Variants in FHL5 observed in about 807,000 individuals in gnomAD.
FHL5 encodes four and a half LIM domains protein 5.
Under a neutral mutation model 32.0 loss-of-function variants are expected in FHL5, and 33 were observed. That is an observed-to-expected ratio of 1.03 (90% confidence interval 0.78 to 1.38). FHL5 has a LOEUF of 1.38. Among genes scored for constraint, FHL5 ranks in the 40% most tolerant of loss-of-function variants. FHL5 has a pLI of 0.00. For missense variants in FHL5, 336 were observed against 343.9 expected (o/e 0.98, Z 0.18); for synonymous variants, 114 against 113.6 (o/e 1.00, Z -0.02).
intron 1 of FHL5, among the ~76,000 whole-genome samples, chr6:96,578,131 T>C (rs1770621603): frequency 6.6e-6 from 1 of 152,188 alleles, no homozygotes; most frequent in African/African-American, 2.4e-5. Flanking sequence ...TAAGAGGCTT[T>C]ATCTCTAAAT....
chr6:96,610,405 T>C (rs1047425361), intron 4 of FHL5, among the ~76,000 whole-genome samples, 167 bp from the exon 5 acceptor site: 3 of 152,082 alleles, frequency 2.0e-5, no homozygotes, highest in African/African-American at 7.2e-5. Context: ...AAGGTGAAAA[T>C]AGAGTAGCCA....
intron 1 of FHL5, among the ~76,000 whole-genome samples, chr6:96,578,269 T>G (rs1770624363): frequency 6.6e-6 from 1 of 152,224 alleles, no homozygotes; most frequent in Non-Finnish European, 1.5e-5. Context: ...ATTTGATTTA[T>G]AGTAAACTAT....
chr6:96,576,712 C>T (rs1009147442), intron 1 of FHL5, among the ~76,000 whole-genome samples: 1 of 152,246 alleles, frequency 6.6e-6, no homozygotes, highest in Non-Finnish European at 1.5e-5. Flanking sequence ...TTCCTTTCTG[C>T]ATTCATTCAG....
intron 1 of FHL5, among the ~76,000 whole-genome samples, chr6:96,566,070 A>G (rs1582453722): frequency 6.6e-6 from 1 of 152,214 alleles, no homozygotes; most frequent in Non-Finnish European, 1.5e-5. Context: ...TAGTTACCCT[A>G]TAGTGCTATA....
intron 1 of FHL5, among the ~76,000 whole-genome samples, chr6:96,568,400 T>C (rs1273731011): frequency 2.0e-5 from 3 of 151,838 alleles, no homozygotes; most frequent in African/African-American, 7.2e-5. Flanking sequence ...ATGCTCATCA[T>C]GTTCATTGGC....
At chr6:96,583,317 A>C (rs2127963718) in intron 1 of FHL5, among the ~76,000 whole-genome samples, 1 of 152,286 alleles carries the variant, frequency 6.6e-6, no homozygotes, top group South Asian at 2.1e-4. Flanking sequence ...TTTCTACTGT[A>C]GAATGTGCAT....
intron 1 of FHL5, among the ~76,000 whole-genome samples, chr6:96,579,951 A>G (rs1164760539): frequency 6.6e-6 from 1 of 152,176 alleles, no homozygotes; most frequent in Non-Finnish European, 1.5e-5. Flanking sequence ...CTATTTCTGA[A>G]AAAGGAATAA....
chr6:96,587,514 T>G (rs979236422), intron 1 of FHL5, among the ~76,000 whole-genome samples: 1 of 152,178 alleles, frequency 6.6e-6, no homozygotes, highest in African/African-American at 2.4e-5. Flanking sequence ...AATAAATTTA[T>G]ATTTTTAATT....
chr6:96,605,878 C>T lies in FHL5; in HGVS notation c.335-24C>T, dbSNP rs780248051. On this transcript the variant is annotated intron_variant, in intron 3 of 5. Coordinates refer to ENST00000450218, the MANE Select transcript of FHL5 (RefSeq NM_001322466.2). ...TAAAATTATGCTTGACTTATACTAA[C>T]ATGGCCTTACTTTTGGAGTACAGGT... 19 of 1,606,452 alleles carry T rather than the reference C, an allele frequency of 1.2e-5. No homozygotes were observed. In the South Asian group the frequency reaches 2.1e-4, roughly 18 times the overall value.
chr6:96,574,592 C>T (rs2971602), intron 1 of FHL5, among the ~76,000 whole-genome samples: 62,430 of 151,992 alleles, frequency 0.41, 13,547 homozygotes, highest in African/African-American at 0.57. Context: ...CCTTGAGCTA[C>T]ATATAGTGGC....
At chr6:96,566,487 T>C (rs1770360304) in intron 1 of FHL5, among the ~76,000 whole-genome samples, 1 of 152,068 alleles carries the variant, frequency 6.6e-6, no homozygotes, top group Non-Finnish European at 1.5e-5. Flanking sequence ...CTCTTTAACA[T>C]ACTGATTTCC....
chr6:96,581,556 TA>T (rs1326209745), intron 1 of FHL5, among the ~76,000 whole-genome samples: 1 of 152,152 alleles, frequency 6.6e-6, no homozygotes, highest in Admixed American at 6.6e-5. Flanking sequence ...TCAGGAGACT[TA>T]GTTTCTGCAA....
chr6:96,602,419 GTTGTTTC>G (rs1771168052), intron 1 of FHL5, among the ~76,000 whole-genome samples: 9 of 79,744 alleles, frequency 1.1e-4, no homozygotes, highest in Admixed American at 1.5e-4. Context: ...ATCTATATGC[GTTGTTTC>G]TTTTTTTTTT....
At chr6:96,594,935 C>T (rs1019801949) in intron 1 of FHL5, among the ~76,000 whole-genome samples, 1 of 151,926 alleles carries the variant, frequency 6.6e-6, no homozygotes, top group Non-Finnish European at 1.5e-5. Context: ...CACTTAAATG[C>T]TATTTTCCCC....
intron 2 of FHL5, among the ~76,000 whole-genome samples, chr6:96,604,121 A>G (rs534824269): frequency 6.6e-4 from 101 of 152,284 alleles, no homozygotes; most frequent in South Asian, 1.4e-3. Context: ...GTATAAATAA[A>G]TGCATAAAGA....
intron 1 of FHL5, among the ~76,000 whole-genome samples, chr6:96,569,139 T>C (rs530647276): frequency 1.3e-5 from 2 of 152,116 alleles, no homozygotes; most frequent in African/African-American, 4.8e-5. Context: ...TGGTATTTTG[T>C]GTTTCTATTT....
At chr6:96,593,175 A>G (rs1046983041) in intron 1 of FHL5, among the ~76,000 whole-genome samples, 1 of 151,818 alleles carries the variant, frequency 6.6e-6, no homozygotes, top group Admixed American at 6.6e-5. Flanking sequence ...TATAATTTAC[A>G]TTTCATTCTT....
Position 96,606,020 on chromosome 6 carries a change from T to G in FHL5, c.453T>G (p.Cys151Trp). 1 of 1,614,140 alleles carries G rather than the reference T, an allele frequency of 6.2e-7. No individual in the cohort carries two copies. The highest frequency in any genetic ancestry group is 8.5e-7 in the Non-Finnish European group (1 of 1,179,970). The change falls in exon 4 of 6, where the codon TGT becomes TGG. Residue 151 changes from cysteine (C) to tryptophan (W), a missense_variant. Coordinates refer to ENST00000450218, the MANE Select transcript of FHL5 (RefSeq NM_001322466.2). ...PLISKESGNY[C>W]VPCFEKEFAH... The stretch of plus-strand genomic sequence containing the variant: ...TCTCCAAAGAGAGTGGCAATTATTG[T>G]GTGCCATGTTTTGAGAAGGAGTTTG...
chr6:96,602,422 G>GTTCCTTTTTT (rs1562062425), intron 1 of FHL5, among the ~76,000 whole-genome samples: 24 of 26,584 alleles, frequency 9.0e-4, no homozygotes, highest in African/African-American at 2.6e-3. Context: ...TATATGCGTT[G>GTTCCTTTTTT]TTTCTTTTTT....
Sources: allele counts gnomAD v4.1 joint callset (sites outside exome capture counted in the v4.1 genomes callset), GRCh38; gene constraint gnomAD v4.1.1; transcripts MANE v1.5; gene names NCBI Gene and HGNC (gene_info 2026-07-23, HGNC 2026-07-21).